Variants in ERCC6L2 observed in about 807,000 individuals in gnomAD.
ERCC6L2 encodes ERCC excision repair 6 like 2.
In ERCC6L2, 77 loss-of-function variants were observed where a neutral mutation model predicts 132.0. The ratio of observed to expected loss-of-function variants is 0.58; its 90% confidence interval spans 0.49 to 0.71. ERCC6L2 has a LOEUF of 0.71. ERCC6L2 is among the 30% of genes least tolerant of loss of function. The pLI, the probability that ERCC6L2 is intolerant of heterozygous loss-of-function variation, is 0.00. For missense variants in ERCC6L2, 1,542 were observed against 1,837.6 expected (o/e 0.84, Z 2.94); for synonymous variants, 583 against 632.4 (o/e 0.92, Z 1.17).
At chr9:95,916,156 T>A in intron 5 of ERCC6L2, 71 bp from the exon 6 acceptor site, 1 of 1,356,842 alleles carries the variant, frequency 7.4e-7, no homozygotes, top group Non-Finnish European at 1.0e-6. Flanking sequence ...ATGTAGTATA[T>A]CTCTTAGAAG....
At chr9:95,933,059 G>A (rs763804498) in intron 11 of ERCC6L2, among the ~76,000 whole-genome samples, 11 of 152,064 alleles carry the variant, frequency 7.2e-5, no homozygotes, top group Non-Finnish European at 1.5e-4. Context: ...CTTCAGCAAG[G>A]ACTGAAGTTA....
chr9:96,027,489 C>T (rs1003881955), intron 19 of ERCC6L2, among the ~76,000 whole-genome samples: 1 of 152,296 alleles, frequency 6.6e-6, no homozygotes, highest in South Asian at 2.1e-4. Flanking sequence ...CTCAGTCACC[C>T]GCCCTGGGAG....
At chr9:95,942,910 T>C (rs992192080) in intron 12 of ERCC6L2, among the ~76,000 whole-genome samples, 1 of 152,066 alleles carries the variant, frequency 6.6e-6, no homozygotes, top group Non-Finnish European at 1.5e-5. Context: ...GAATGATTTA[T>C]AAAAACTGCA....
chr9:95,974,157 A>C (rs1376988380), intron 16 of ERCC6L2, among the ~76,000 whole-genome samples: 1 of 152,154 alleles, frequency 6.6e-6, no homozygotes, highest in East Asian at 1.9e-4. Context: ...CAGAGTAGCA[A>C]AATATTTTCT....
chr9:96,036,853 G>A lies in ERCC6L2; in HGVS notation c.*1504-2023G>A, dbSNP rs922151175. Among the ~76,000 whole-genome samples, 70 of 146,670 alleles carry A rather than the reference G, an allele frequency of 4.8e-4. 2 individuals are homozygous for A. In the South Asian group the frequency reaches 9.8e-3, roughly 21 times the overall value. On this transcript the variant is annotated intron_variant and NMD_transcript_variant, in intron 19 of 20. Transcript: ENST00000670016. ...GGGATCTCGGCTCACTGCAAGCTCC[G>A]CCTCCCGGGTTCACGCCATTCTCCT...
chr9:95,922,726 A>G lies in ERCC6L2; in HGVS notation c.1413+308A>G, dbSNP rs537277853. On this transcript the variant is annotated intron_variant, in intron 8 of 18. Coordinates refer to ENST00000653738, the MANE Select transcript of ERCC6L2 (RefSeq NM_020207.7). The stretch of plus-strand genomic sequence containing the variant: ...GATGGGTCAGTTCTATTCCTCTAAT[A>G]ATGTCTGTAATGGTATTTAATCTAC... Among the ~76,000 whole-genome samples the G allele has an allele frequency of 3.3e-5, 5 of 152,302 alleles. No homozygotes were observed. In the South Asian group the frequency reaches 8.3e-4, roughly 25 times the overall value.
chr9:95,904,373 C>T (rs991442674), intron 3 of ERCC6L2, among the ~76,000 whole-genome samples: 2 of 151,942 alleles, frequency 1.3e-5, no homozygotes, highest in Admixed American at 1.3e-4. Flanking sequence ...AATTGAATAC[C>T]TTCTATTTTC....
At chr9:95,948,488 A>G (rs920259162) in intron 12 of ERCC6L2, among the ~76,000 whole-genome samples, 1 of 152,174 alleles carries the variant, frequency 6.6e-6, no homozygotes, top group African/African-American at 2.4e-5. Context: ...CCCCATCTCT[A>G]CTAAAATTAC....
chr9:95,980,648 C>G (rs888640808), intron 17 of ERCC6L2, among the ~76,000 whole-genome samples: 1 of 152,110 alleles, frequency 6.6e-6, no homozygotes, highest in African/African-American at 2.4e-5. Flanking sequence ...CACTCATCAT[C>G]TTTGGCTAGA....
intron 17 of ERCC6L2, among the ~76,000 whole-genome samples, chr9:96,000,446 A>G (rs1833626483): frequency 6.6e-6 from 1 of 152,224 alleles, no homozygotes; most frequent in Non-Finnish European, 1.5e-5. Context: ...TAAACATCAT[A>G]TTTTTAAAAA....
At chr9:96,037,837 G>A (rs2133274062) in intron 19 of ERCC6L2, among the ~76,000 whole-genome samples, 1 of 152,038 alleles carries the variant, frequency 6.6e-6, no homozygotes, top group South Asian at 2.1e-4. Flanking sequence ...GGGAAGAGAT[G>A]GAGAGAGAGA....
At chr9:95,922,796 G>A (rs919337954) in intron 8 of ERCC6L2, among the ~76,000 whole-genome samples, 1 of 151,974 alleles carries the variant, frequency 6.6e-6, no homozygotes, top group African/African-American at 2.4e-5. Context: ...TAAATATTAG[G>A]GCTGTTTACC....
Position 96,004,600 on chromosome 9 carries a change from TC to T in ERCC6L2, c.3575del (p.Pro1192LeufsTer8). On this transcript the variant is annotated frameshift_variant, in exon 18 of 19. Transcript: ENST00000653738. LOFTEE classifies it high-confidence loss of function. Reference sequence around the variant, plus strand: ...AACCGAGTGAAGGCAGCATTTCACTTCCTCTTTACATTTCAAATCCTGTAAA... The same window carrying T: ...AACCGAGTGAAGGCAGCATTTCACTTCTCTTTACATTTCAAATCCTGTAAA... ...QQPSEGSISL[P>X]LYISNPVNQK... 2.3e-6 allele frequency: 3 copies of T among 1,315,920 alleles called. No individual in the cohort carries two copies. The highest frequency in any genetic ancestry group is 3.0e-6 in the Non-Finnish European group (3 of 994,122). The allele number at this position is 1,315,920 out of a possible 1,614,324, so 81.5% of individuals were successfully genotyped here.
intron 18 of ERCC6L2, among the ~76,000 whole-genome samples, chr9:96,009,686 T>TA (rs1177812479): frequency 1.3e-5 from 2 of 152,154 alleles, no homozygotes; most frequent in Non-Finnish European, 2.9e-5. Flanking sequence ...TACCCTGCAG[T>TA]TCCTTAAATT....
chr9:95,920,597 A>T (rs1040200547), intron 6 of ERCC6L2, among the ~76,000 whole-genome samples: 18 of 152,166 alleles, frequency 1.2e-4, no homozygotes, highest in Admixed American at 6.5e-4. Context: ...CAACTGTGTA[A>T]GGAACATCAT....
chr9:95,925,580 G>A (rs1481773435), intron 9 of ERCC6L2, among the ~76,000 whole-genome samples: 2 of 152,014 alleles, frequency 1.3e-5, no homozygotes, highest in Non-Finnish European at 1.5e-5. Context: ...GAAATTTCTG[G>A]GATCTTAATT....
At chr9:95,953,649 A>G (rs140911716) in intron 12 of ERCC6L2, among the ~76,000 whole-genome samples, 60 of 152,106 alleles carry the variant, frequency 3.9e-4, no homozygotes, top group African/African-American at 1.4e-3. Flanking sequence ...TTTTAAATTC[A>G]TTTATTAAAA....
chr9:95,918,953 C>T (rs957406036), intron 6 of ERCC6L2, among the ~76,000 whole-genome samples: 6 of 152,092 alleles, frequency 3.9e-5, no homozygotes, highest in Non-Finnish European at 5.9e-5. Context: ...CTGCAAGCTC[C>T]GCCTCCCTGG....
intron 18 of ERCC6L2, among the ~76,000 whole-genome samples, chr9:96,008,321 C>T (rs1833925979): frequency 6.6e-6 from 1 of 152,072 alleles, no homozygotes; most frequent in Admixed American, 6.5e-5. Flanking sequence ...TCACCAGTGC[C>T]TTCTTAAAAG....
Sources: gnomAD v4.1 joint callset for allele counts (sites outside exome capture counted in the v4.1 genomes callset) on GRCh38, gnomAD v4.1.1 for gene constraint, MANE v1.5 for transcripts, NCBI Gene and HGNC (gene_info 2026-07-23, HGNC 2026-07-21) for gene names.